Variants in ADD3 observed in about 807,000 individuals in gnomAD.
The protein encoded by ADD3 is gamma-adducin.
A neutral mutation model predicts 80.2 loss-of-function variants in ADD3; 25 were observed. That is an observed-to-expected ratio of 0.31 (90% CI 0.23 to 0.44). The LOEUF (loss-of-function observed/expected upper bound fraction) is 0.44. Among genes scored for constraint, ADD3 ranks in the 20% least tolerant of loss-of-function variants. ADD3 has a pLI of 1.00. For synonymous variants in ADD3, 284 were observed against 289.6 expected (o/e 0.98, Z 0.20); for missense variants, 829 against 847.5 (o/e 0.98, Z 0.27).
chr10:110,016,248 A>G (rs1029079549), intron 1 of ADD3, among the ~76,000 whole-genome samples: 5 of 152,172 alleles, frequency 3.3e-5, no homozygotes, highest in South Asian at 2.1e-4. Flanking sequence ...TCCTTACAGA[A>G]CTCAGCCAGT....
intron 1 of ADD3, among the ~76,000 whole-genome samples, chr10:110,093,081 A>G (rs745349870): frequency 6.6e-6 from 1 of 152,008 alleles, no homozygotes; most frequent in Non-Finnish European, 1.5e-5. Context: ...CTGGTCTCCA[A>G]CTCCTGACCT....
chr10:110,034,207 T>C (rs1230544916), intron 1 of ADD3, among the ~76,000 whole-genome samples: 2 of 152,156 alleles, frequency 1.3e-5, no homozygotes, highest in Non-Finnish European at 2.9e-5. Context: ...ACAATTAAAA[T>C]TTGTAGTTAC....
Position 110,124,085 on chromosome 10 carries a change from G to A in ADD3, c.1212G>A (p.Val404=). The change falls in exon 10 of 15, where the codon GTG becomes GTA. Residue 404 remains valine, a synonymous_variant. Transcript: ENST00000356080. ...AGAAGCCTAGGCACAAGAGTGATGT[G>A]GAAATCCCAGCAACTGTGACTGCTT... ...IREKPRHKSD[V]EIPATVTAFS... 6.2e-7 allele frequency: 1 copy of A among 1,614,138 alleles called. No homozygotes were observed. The highest frequency in any genetic ancestry group is 8.5e-7 in the Non-Finnish European group (1 of 1,180,012).
At chr10:110,023,765 A>G (rs1159341604) in intron 1 of ADD3, among the ~76,000 whole-genome samples, 1 of 152,208 alleles carries the variant, frequency 6.6e-6, no homozygotes, top group East Asian at 1.9e-4. Context: ...ATTTGTTTTC[A>G]TTTATGAATT....
intron 1 of ADD3, among the ~76,000 whole-genome samples, chr10:110,020,107 G>A (rs538251384): frequency 6.6e-6 from 1 of 152,262 alleles, no homozygotes; most frequent in African/African-American, 2.4e-5. Context: ...AGTAATATTA[G>A]TTCCTCATAC....
At chr10:110,088,381 TAAAAC>T (rs896584427) in intron 1 of ADD3, among the ~76,000 whole-genome samples, 3 of 152,242 alleles carry the variant, frequency 2.0e-5, no homozygotes, top group Non-Finnish European at 2.9e-5. Flanking sequence ...AACTTGCACT[TAAAAC>T]CATCAACCAA....
intron 1 of ADD3, among the ~76,000 whole-genome samples, chr10:110,015,883 A>G (rs1411174370): frequency 2.6e-5 from 4 of 152,236 alleles, no homozygotes; most frequent in African/African-American, 4.8e-5. Flanking sequence ...TCACTGTTAT[A>G]GCAGAATGTA....
Position 110,130,457 on chromosome 10 carries a change from C to A in ADD3, c.1703C>A (p.Thr568Lys). ...GGAGAACTTGAAGAGTATAAGAGGA[C>A]AATCGAACGTAAACAACAAGGCCTA... ...TEGELEEYKR[T>K]IERKQQGLED... is the part of the protein sequence containing the mutation. Residue 568 changes from threonine to lysine, a missense_variant, in exon 13 of 15, where the codon ACA (threonine) becomes AAA (lysine). Physicochemically the swap from Thr to Lys is moderately conservative, Grantham distance 78. Transcript: ENST00000356080. The A allele has an allele frequency of 1.2e-6, 2 of 1,613,818 alleles. No homozygotes were observed.
upstream of ADD3, among the ~76,000 whole-genome samples, chr10:110,004,572 G>C (rs1589683491): frequency 2.0e-5 from 3 of 151,792 alleles, no homozygotes; most frequent in African/African-American, 4.8e-5. Context: ...GCCTCCCAAA[G>C]TGCTGGGATT....
upstream of ADD3, among the ~76,000 whole-genome samples, chr10:110,001,346 T>C (rs987148856): frequency 6.6e-6 from 1 of 150,864 alleles, no homozygotes. Flanking sequence ...GCCCGGAAGA[T>C]TGAAGCTGTG....
intron 1 of ADD3, among the ~76,000 whole-genome samples, chr10:110,050,934 G>T (rs898648305): frequency 5.3e-5 from 8 of 152,296 alleles, no homozygotes; most frequent in African/African-American, 1.9e-4. Flanking sequence ...TCATATATCA[G>T]TTGGAGTATA....
chr10:110,094,849 A>C (rs1847973403), intron 1 of ADD3, among the ~76,000 whole-genome samples: 1 of 152,252 alleles, frequency 6.6e-6, no homozygotes, highest in African/African-American at 2.4e-5. Flanking sequence ...TTTTTTAACC[A>C]AATATGCTGC....
chr10:110,055,350 G>A (rs1412886236), intron 1 of ADD3, among the ~76,000 whole-genome samples: 1 of 152,112 alleles, frequency 6.6e-6, no homozygotes, highest in South Asian at 2.1e-4. Flanking sequence ...AATATTACAC[G>A]TGGTACTTCT....
chr10:110,116,285 G>T lies in ADD3; in HGVS notation c.361G>T (p.Asp121Tyr). Residue 121 changes from aspartate to tyrosine, a missense_variant, in exon 4 of 15, where the codon GAC becomes TAC. Physicochemically the swap from Asp to Tyr is radical, Grantham distance 160. Transcript: ENST00000356080. ...TCTTGGCATGGTCACACCTATCAAT[G>T]ACCTTCCTGGTGCAGATACATCCTC... ...LSLGMVTPIN[D>Y]LPGADTSSYV... is the part of the protein sequence containing the mutation. 1 of 1,614,034 alleles carries T rather than the reference G, an allele frequency of 6.2e-7. No individual in the cohort carries two copies. Among genetic ancestry groups the T allele is most frequent in the Non-Finnish European group, 8.5e-7 (1 of 1,179,968 alleles).
intron 3 of ADD3, among the ~76,000 whole-genome samples, chr10:110,115,142 C>A (rs1283938408): frequency 1.3e-5 from 2 of 150,288 alleles, no homozygotes; most frequent in Non-Finnish European, 2.9e-5. Flanking sequence ...ATAATCCCAG[C>A]ACTCTGGGAG....
At chr10:110,108,077 C>T (rs924432999) in intron 2 of ADD3, among the ~76,000 whole-genome samples, 3 of 152,062 alleles carry the variant, frequency 2.0e-5, no homozygotes, top group African/African-American at 7.2e-5. Flanking sequence ...GTGGAGACTC[C>T]AGGGAACTGT....
intron 1 of ADD3, among the ~76,000 whole-genome samples, chr10:110,081,366 C>G (rs1214110674): frequency 1.3e-5 from 2 of 152,140 alleles, no homozygotes; most frequent in African/African-American, 2.4e-5. Context: ...GCTTAGAATC[C>G]TCTAAAATGA....
At chr10:110,118,073 C>CAA (rs60012933) in intron 5 of ADD3, among the ~76,000 whole-genome samples, 2 of 137,668 alleles carry the variant, frequency 1.5e-5, no homozygotes, top group Admixed American at 1.5e-4. Context: ...CACACACACA[C>CAA]AATGTTCATA....
At position 110,133,555 on chromosome 10, in the gene ADD3, G is replaced by A; in HGVS notation, c.2058G>A (p.Lys686=). 6.2e-7 allele frequency: 1 copy of A among 1,609,890 alleles called. No individual in the cohort carries two copies. The highest frequency in any genetic ancestry group is 8.5e-7 in the Non-Finnish European group (1 of 1,178,244). ...GSPSKSPSKK[K]KKFRTPSFLK... ...CTTCAAAATCGCCATCCAAGAAAAA[G>A]AAGAAATTCCGCACTCCTTCTTTTC... The change falls in exon 15 of 15, where the codon AAG becomes AAA. Residue 686 remains lysine (K), a synonymous_variant. Transcript: ENST00000356080.
Sources: allele counts gnomAD v4.1 joint callset (sites outside exome capture counted in the v4.1 genomes callset), GRCh38; gene constraint gnomAD v4.1.1; transcripts MANE v1.5; gene names NCBI Gene and HGNC (gene_info 2026-07-23, HGNC 2026-07-21).